The following PEPD variants were observed in gnomAD, a reference collection of about 807,000 sequenced individuals.
PEPD encodes xaa-Pro dipeptidase.
In PEPD, 53 loss-of-function variants were observed where a neutral mutation model predicts 60.7. The observed-to-expected ratio is 0.87, with a 90% CI of 0.70 to 1.10. The LOEUF (loss-of-function observed/expected upper bound fraction) is 1.10, where lower values mean the gene tolerates loss of function less well. Ranked by LOEUF, PEPD falls within the 50% of genes least tolerant of loss-of-function variation. The probability of loss-of-function intolerance (pLI) is 0.00; values close to 1 mark genes in which losing one functional copy is unlikely to be tolerated. For synonymous variants in PEPD, 267 were observed against 284.1 expected, an observed-to-expected ratio of 0.94 and a Z score of 0.60; for missense variants, 711 against 711.9, an observed-to-expected ratio of 1.00 and a Z score of 0.01.
intron 13 of PEPD, chr19:33,388,431 G>A (rs1363853858): frequency 8.3e-6 from 4 of 481,704 alleles, no homozygotes; most frequent in East Asian, 3.7e-5. Flanking sequence ...GCTGGCCAGA[G>A]GAGTGGCAGA....
intron 9 of PEPD, among the ~76,000 whole-genome samples, chr19:33,443,164 G>A (rs1473298766): frequency 2.6e-5 from 4 of 152,176 alleles, no homozygotes; most frequent in Non-Finnish European, 5.9e-5. Context: ...TGCACAAATG[G>A]AATCACACAG....
At chr19:33,421,473 T>A (rs1162353769) in intron 9 of PEPD, among the ~76,000 whole-genome samples, 1 of 152,166 alleles carries the variant, frequency 6.6e-6, no homozygotes, top group Non-Finnish European at 1.5e-5. Flanking sequence ...GATACATGTA[T>A]GTACTTTTTA....
rs575685389 is a variant in PEPD, at chr19:33,389,689, G to A, written c.1152+1606C>T. 3.3e-5 allele frequency among the ~76,000 whole-genome samples: 5 copies of A among 152,360 alleles called. No individual in the cohort carries two copies. The East Asian group carries it at 9.6e-4, about 29-fold the overall frequency. On this transcript the variant is annotated intron_variant, in intron 13 of 14. Coordinates refer to ENST00000244137, the MANE Select transcript of PEPD (RefSeq NM_000285.4). The stretch of plus-strand genomic sequence containing the variant: ...GCTGCTCCATGGTACACGGTTGAGG[G>A]GCAGGTTTGTTTCCCCAGAGAAACG...
At chr19:33,429,518 C>G (rs539966189) in intron 9 of PEPD, among the ~76,000 whole-genome samples, 10 of 152,298 alleles carry the variant, frequency 6.6e-5, no homozygotes, top group African/African-American at 2.4e-4. Context: ...ACACAGATAT[C>G]TATTAAACTA....
chr19:33,508,283 C>T (rs1970851071), intron 3 of PEPD, among the ~76,000 whole-genome samples: 1 of 152,210 alleles, frequency 6.6e-6, no homozygotes, highest in Admixed American at 6.5e-5. Context: ...TACCCTGGCA[C>T]AGGGGCCCTC....
chr19:33,484,072 A>C (rs1271451083), intron 6 of PEPD, among the ~76,000 whole-genome samples: 1 of 152,174 alleles, frequency 6.6e-6, no homozygotes, highest in Non-Finnish European at 1.5e-5. Context: ...GACTGAGAGG[A>C]TTCCAGATGT....
chr19:33,395,250 C>G (rs530945790), intron 12 of PEPD: 1 of 152,388 alleles, frequency 6.6e-6, no homozygotes, highest in Non-Finnish European at 1.5e-5. Flanking sequence ...TGAGAATTCA[C>G]GGAACACACA....
At chr19:33,406,419 C>T (rs908213762) in intron 11 of PEPD, among the ~76,000 whole-genome samples, 2 of 152,200 alleles carry the variant, frequency 1.3e-5, no homozygotes, top group Non-Finnish European at 2.9e-5. Flanking sequence ...TGGGATGGGA[C>T]GGCCATGCCT....
At chr19:33,513,947 C>CTACCCA (rs1555771548) in intron 1 of PEPD, among the ~76,000 whole-genome samples, 4 of 151,806 alleles carry the variant, frequency 2.6e-5, no homozygotes, top group South Asian at 2.1e-4. Context: ...CCACCCCATC[C>CTACCCA]CCCAGCTCTC....
chr19:33,388,682 G>A (rs1401620466), intron 13 of PEPD: 1 of 187,988 alleles, frequency 5.3e-6, no homozygotes, highest in African/African-American at 2.3e-5. Flanking sequence ...CTTGGCAGGT[G>A]TGGCTCCCAG....
At chr19:33,406,120 C>T (rs1034204725) in intron 11 of PEPD, among the ~76,000 whole-genome samples, 4 of 152,210 alleles carry the variant, frequency 2.6e-5, no homozygotes, top group Admixed American at 2.6e-4. Context: ...TGGGGTGAGG[C>T]CCGGGCGTCA....
rs558220834 is a variant in PEPD at position 33,396,506 on chromosome 19, A to AC, written c.968-5028dup. Among the ~76,000 whole-genome samples the AC allele has an allele frequency of 9.0e-4, 137 of 151,896 alleles. 1 individual carries two copies. Among genetic ancestry groups the AC allele is most frequent in the African/African-American group, 3.1e-3 (128 of 41,394 alleles). On this transcript the variant is annotated intron_variant, in intron 12 of 14. Coordinates refer to ENST00000244137, the MANE Select transcript of PEPD (RefSeq NM_000285.4). ...CCTCCTCTGACCTCACATTGGCAGC[A>AC]CCCCCGTCACTCACAAGTGGCCAGG...
At chr19:33,445,627 A>G (rs868358610) in intron 9 of PEPD, among the ~76,000 whole-genome samples, 1 of 152,218 alleles carries the variant, frequency 6.6e-6, no homozygotes, top group Non-Finnish European at 1.5e-5. Flanking sequence ...ACTTCCAGCC[A>G]CCAGAAGGGT....
rs1429797564 is a variant in PEPD, at chr19:33,473,075, C to T, written c.548+4971G>A. On this transcript the variant is annotated intron_variant, in intron 7 of 14. Coordinates refer to ENST00000244137, the MANE Select transcript of PEPD (RefSeq NM_000285.4). The stretch of plus-strand genomic sequence containing the variant: ...TGAAACCTAGCCAGGGACGGGCAGA[C>T]GTGGGGCAGAGGTCCACCTCCACGC... 3.3e-5 allele frequency among the ~76,000 whole-genome samples: 5 copies of T among 152,082 alleles called. No individual in the cohort carries two copies. In the South Asian group the frequency reaches 6.2e-4, roughly 19 times the overall value.
chr19:33,408,208 G>A (rs999954500), intron 11 of PEPD, among the ~76,000 whole-genome samples: 4 of 152,240 alleles, frequency 2.6e-5, no homozygotes, highest in African/African-American at 9.6e-5. Context: ...GGACAACCAG[G>A]GGACGGGAGC....
At chr19:33,443,526 A>G (rs191254587) in intron 9 of PEPD, among the ~76,000 whole-genome samples, 89 of 152,386 alleles carry the variant, frequency 5.8e-4, no homozygotes, top group Non-Finnish European at 1.2e-3. Context: ...AGGTATGAAC[A>G]TAATTGCCAT....
At chr19:33,402,793 G>A (rs139160816) in intron 11 of PEPD, among the ~76,000 whole-genome samples, 1 of 152,322 alleles carries the variant, frequency 6.6e-6, no homozygotes, top group Non-Finnish European at 1.5e-5. Context: ...AGGGGCCTGG[G>A]GGCCAGCAGA....
chr19:33,453,283 C>T (rs1969730146), intron 9 of PEPD, among the ~76,000 whole-genome samples: 1 of 147,986 alleles, frequency 6.8e-6, no homozygotes, highest in Non-Finnish European at 1.5e-5. Context: ...CACTGCCTTC[C>T]AGCCTGGGCA....
intron 9 of PEPD, among the ~76,000 whole-genome samples, chr19:33,427,301 G>A (rs1005383637): frequency 6.6e-6 from 1 of 151,816 alleles, no homozygotes; most frequent in African/African-American, 2.4e-5. Flanking sequence ...GCCCCATCGG[G>A]GACCTCTCAG....
Sources: gnomAD v4.1 joint callset for allele counts (sites outside exome capture counted in the v4.1 genomes callset) on GRCh38, gnomAD v4.1.1 for gene constraint, MANE v1.5 for transcripts, NCBI Gene and HGNC (gene_info 2026-07-23, HGNC 2026-07-21) for gene names.